SH3BGRL2: variants seen among roughly 807,000 people sequenced by gnomAD.
SH3BGRL2 encodes the protein SH3 domain-binding glutamic acid-rich-like protein 2.
A neutral mutation model predicts 14.8 loss-of-function variants in SH3BGRL2; 21 were observed. The ratio of observed to expected loss-of-function variants is 1.42; its 90% CI spans 1.01 to 2.05. The LOEUF is 2.05. SH3BGRL2 is among the 30% of genes most tolerant of loss of function. The probability of loss-of-function intolerance (pLI) is 0.00; values close to 1 mark genes in which losing one functional copy is unlikely to be tolerated. For synonymous variants in SH3BGRL2, 50 were observed against 47.8 expected (o/e 1.05, Z -0.19); for missense variants, 147 against 130.8 (o/e 1.12, Z -0.61).
At chr6:79,644,155 G>A (rs1435495322) in intron 1 of SH3BGRL2, among the ~76,000 whole-genome samples, 2 of 152,176 alleles carry the variant, frequency 1.3e-5, no homozygotes, top group Non-Finnish European at 2.9e-5. Context: ...TAGGTTACTA[G>A]GAGAAATGTT....
chr6:79,601,490 C>T, the SH3BGRL2 span, among the ~76,000 whole-genome samples: 6 of 152,182 alleles, frequency 3.9e-5, no homozygotes, highest in Non-Finnish European at 8.8e-5. Flanking sequence ...GCAACCTTGC[C>T]TGGTGAGAAG....
At chr6:79,673,314 C>G (rs1769811361) in intron 1 of SH3BGRL2, among the ~76,000 whole-genome samples, 1 of 152,030 alleles carries the variant, frequency 6.6e-6, no homozygotes, top group South Asian at 2.1e-4. Flanking sequence ...GTGGCTCATA[C>G]CTGTAATCCC....
upstream of SH3BGRL2, among the ~76,000 whole-genome samples, chr6:79,629,952 C>T (rs1768792228): frequency 1.3e-5 from 2 of 152,082 alleles, no homozygotes; most frequent in African/African-American, 4.8e-5. Flanking sequence ...TAAAGATTTG[C>T]ATTTATATAG....
chr6:79,640,064 T>C (rs1449626064), intron 1 of SH3BGRL2, among the ~76,000 whole-genome samples: 1 of 152,176 alleles, frequency 6.6e-6, no homozygotes, highest in Non-Finnish European at 1.5e-5. Flanking sequence ...AGCCTTTCTG[T>C]TTAGCATTTT....
At chr6:79,638,555 C>A (rs1768970600) in intron 1 of SH3BGRL2, among the ~76,000 whole-genome samples, 4 of 152,234 alleles carry the variant, frequency 2.6e-5, no homozygotes. Context: ...TACTCATATA[C>A]TGCTTCCCAC....
the SH3BGRL2 span, among the ~76,000 whole-genome samples, chr6:79,625,122 G>A: frequency 1.3e-5 from 2 of 151,954 alleles, no homozygotes; most frequent in Admixed American, 6.6e-5. Flanking sequence ...GTAGTGAGCC[G>A]TGATCGCACC....
the SH3BGRL2 span, among the ~76,000 whole-genome samples, chr6:79,598,842 G>A: frequency 6.6e-6 from 1 of 151,518 alleles, no homozygotes; most frequent in South Asian, 2.1e-4. Context: ...CAGCACTTTG[G>A]GAGGCCGAGG....
At chr6:79,590,277 C>G in the SH3BGRL2 span, among the ~76,000 whole-genome samples, 1 of 151,578 alleles carries the variant, frequency 6.6e-6, no homozygotes, top group South Asian at 2.1e-4. Flanking sequence ...TCAGCAATCC[C>G]ATTACTGGGT....
chr6:79,663,615 C>T (rs369522015), intron 1 of SH3BGRL2, among the ~76,000 whole-genome samples: 1 of 152,114 alleles, frequency 6.6e-6, no homozygotes, highest in African/African-American at 2.4e-5. Context: ...TTAGGCTACA[C>T]AGGGATCAGG....
chr6:79,550,763 G>C, the SH3BGRL2 span, among the ~76,000 whole-genome samples: 1 of 152,084 alleles, frequency 6.6e-6, no homozygotes, highest in Non-Finnish European at 1.5e-5. Flanking sequence ...CAGCAGCCTT[G>C]GTGGCCGAAC....
At chr6:79,558,704 A>AAAAAAAAATAC in the SH3BGRL2 span, among the ~76,000 whole-genome samples, 1 of 151,418 alleles carries the variant, frequency 6.6e-6, no homozygotes, top group African/African-American at 2.4e-5. Context: ...ATCTCTATAA[A>AAAAAAAAATAC]AAAAAAAATA....
the SH3BGRL2 span, among the ~76,000 whole-genome samples, chr6:79,606,385 T>G: frequency 1.3e-5 from 2 of 152,210 alleles, no homozygotes; most frequent in South Asian, 4.1e-4. Context: ...TTCTCCATAT[T>G]GAGAGTTAGA....
chr6:79,680,618 T>C (rs1203885721), intron 2 of SH3BGRL2, among the ~76,000 whole-genome samples: 2 of 152,160 alleles, frequency 1.3e-5, no homozygotes. Context: ...CAAAAACTGC[T>C]GTTGAAATTT....
At chr6:79,622,838 GAGA>G in the SH3BGRL2 span, among the ~76,000 whole-genome samples, 6 of 152,162 alleles carry the variant, frequency 3.9e-5, no homozygotes, top group South Asian at 2.1e-4. Context: ...AATTGCTGAA[GAGA>G]AGAAGTTTGA....
rs1205535968 is a variant in SH3BGRL2 at position 79,631,503 on chromosome 6, G to A, written c.42G>A (p.Val14=). ...RVFIASSSGF[V]AIKKKQQDVV... The stretch of plus-strand genomic sequence containing the variant: ...TCATCGCCTCTTCCTCGGGCTTCGT[G>A]GCGGTGAGCGCGGTGGGGGCGGGCA... Residue 14 remains valine (V), a synonymous_variant, in exon 1 of 4, where the codon GTG becomes GTA. Transcript: ENST00000369838. 1.4e-5 allele frequency: 20 copies of A among 1,476,512 alleles called. No homozygotes were observed. In the Middle Eastern group the frequency reaches 7.4e-4, roughly 55 times the overall value. 91.5% of individuals were successfully genotyped at this position (1,476,512 alleles called of 1,614,324 possible).
chr6:79,629,748 T>C (rs79008832), upstream of SH3BGRL2, among the ~76,000 whole-genome samples: 1,068 of 152,294 alleles, frequency 7.0e-3, 16 homozygotes, highest in African/African-American at 0.024. Context: ...ACAGTGTGTC[T>C]TGTTCTGTCA....
chr6:79,591,256 ATCAG>A, the SH3BGRL2 span, among the ~76,000 whole-genome samples: 1 of 152,336 alleles, frequency 6.6e-6, no homozygotes, highest in African/African-American at 2.4e-5. Flanking sequence ...AATATCTTTT[ATCAG>A]TCAGTGTATC....
chr6:79,628,078 T>C (rs1409386786), upstream of SH3BGRL2, among the ~76,000 whole-genome samples: 3 of 152,176 alleles, frequency 2.0e-5, no homozygotes, highest in Non-Finnish European at 2.9e-5. Flanking sequence ...TTTCCAATGA[T>C]TGCAAATATC....
chr6:79,659,362 C>T (rs1043175935), intron 1 of SH3BGRL2, among the ~76,000 whole-genome samples: 1 of 152,138 alleles, frequency 6.6e-6, no homozygotes, highest in Admixed American at 6.5e-5. Context: ...ATATGGCTAG[C>T]CAGTTTTCCC....
Sources: allele counts gnomAD v4.1 joint callset (sites outside exome capture counted in the v4.1 genomes callset), GRCh38; gene constraint gnomAD v4.1.1; transcripts MANE v1.5; gene names NCBI Gene and HGNC (gene_info 2026-07-23, HGNC 2026-07-21).